The following BRINP3 variants were observed in gnomAD, a reference collection of about 807,000 sequenced individuals.
The protein encoded by BRINP3 is BMP/retinoic acid inducible neural specific 3, also known as BMP/retinoic acid-inducible neural-specific protein 3.
Under a neutral mutation model 71.0 loss-of-function variants are expected in BRINP3, and 19 were observed. That is an observed-to-expected ratio of 0.27 (90% CI 0.19 to 0.39). The LOEUF (loss-of-function observed/expected upper bound fraction) is 0.39. BRINP3 is among the 10% of genes least tolerant of loss of function. The probability of loss-of-function intolerance (pLI) is 1.00; values close to 1 mark genes in which losing one functional copy is unlikely to be tolerated. For synonymous variants in BRINP3, 380 were observed against 337.7 expected, an observed-to-expected ratio of 1.13 and a Z score of -1.37; for missense variants, 959 against 940.8, an observed-to-expected ratio of 1.02 and a Z score of -0.25.
intron 2 of BRINP3, among the ~76,000 whole-genome samples, chr1:190,399,516 G>C (rs941815888): frequency 6.6e-6 from 1 of 151,798 alleles, no homozygotes; most frequent in Non-Finnish European, 1.5e-5. Context: ...AATTTCTCAG[G>C]GGTTTTTAAT....
chr1:190,119,159 A>G (rs1017801537), intron 7 of BRINP3, among the ~76,000 whole-genome samples: 1 of 152,160 alleles, frequency 6.6e-6, no homozygotes. Context: ...GAATTAATAT[A>G]AAAACATCCA....
chr1:190,197,689 G>A (rs2102598267), intron 6 of BRINP3, among the ~76,000 whole-genome samples: 1 of 152,290 alleles, frequency 6.6e-6, no homozygotes, highest in South Asian at 2.1e-4. Flanking sequence ...ATAGCCTTGG[G>A]CAGCTCCACC....
chr1:190,373,507 C>T (rs1030143203), intron 2 of BRINP3, among the ~76,000 whole-genome samples: 2 of 151,148 alleles, frequency 1.3e-5, no homozygotes, highest in Admixed American at 1.3e-4. Context: ...TATATATACA[C>T]ACACACATAT....
At chr1:190,360,399 T>G (rs1255785307) in intron 2 of BRINP3, among the ~76,000 whole-genome samples, 2 of 152,174 alleles carry the variant, frequency 1.3e-5, no homozygotes, top group East Asian at 3.9e-4. Context: ...TAGCTTGCTG[T>G]GGAGGCAGAT....
At chr1:190,168,384 G>A (rs1346590427) in intron 6 of BRINP3, among the ~76,000 whole-genome samples, 3 of 152,152 alleles carry the variant, frequency 2.0e-5, no homozygotes, top group Non-Finnish European at 2.9e-5. Context: ...TATTCAACTC[G>A]AATGGTGAGT....
At chr1:190,151,855 A>G (rs1466303094) in intron 7 of BRINP3, among the ~76,000 whole-genome samples, 2 of 152,198 alleles carry the variant, frequency 1.3e-5, no homozygotes, top group Non-Finnish European at 2.9e-5. Context: ...TTACTACATT[A>G]CAACAAAAGA....
intron 2 of BRINP3, among the ~76,000 whole-genome samples, chr1:190,338,394 C>G (rs1388500143): frequency 6.6e-6 from 1 of 151,946 alleles, no homozygotes; most frequent in Non-Finnish European, 1.5e-5. Flanking sequence ...TCTAAGTTGA[C>G]TCTATTGTTG....
At chr1:190,469,533 T>A (rs1397017087) in intron 1 of BRINP3, among the ~76,000 whole-genome samples, 2 of 150,968 alleles carry the variant, frequency 1.3e-5, no homozygotes, top group African/African-American at 4.8e-5. Flanking sequence ...TTCTACCAAT[T>A]TAGAGTGTAT....
intron 2 of BRINP3, among the ~76,000 whole-genome samples, chr1:190,420,432 T>G (rs1311497453): frequency 6.6e-6 from 1 of 151,978 alleles, no homozygotes; most frequent in Non-Finnish European, 1.5e-5. Context: ...TCCACCATCA[T>G]CAGAGTAGGC....
chr1:190,257,608 C>T (rs1423414631), intron 4 of BRINP3, among the ~76,000 whole-genome samples: 3 of 152,150 alleles, frequency 2.0e-5, no homozygotes, highest in African/African-American at 7.2e-5. Context: ...CCCCATCTTT[C>T]TAGTTTTATC....
chr1:190,272,693 G>C (rs1163496610), intron 3 of BRINP3, among the ~76,000 whole-genome samples: 2 of 151,236 alleles, frequency 1.3e-5, no homozygotes, highest in Non-Finnish European at 3.0e-5. Flanking sequence ...AAATATATAG[G>C]ATTACTAATA....
At chr1:190,183,454 A>G (rs1441092163) in intron 6 of BRINP3, among the ~76,000 whole-genome samples, 2 of 152,092 alleles carry the variant, frequency 1.3e-5, no homozygotes, top group African/African-American at 4.8e-5. Flanking sequence ...AAAGATAATG[A>G]CAGATTAAAG....
chr1:190,453,354 G>T (rs2102622976), intron 2 of BRINP3, among the ~76,000 whole-genome samples: 1 of 151,198 alleles, frequency 6.6e-6, no homozygotes, highest in Non-Finnish European at 1.5e-5. Context: ...CCCAGTAGCT[G>T]GGACTACAGG....
intron 2 of BRINP3, among the ~76,000 whole-genome samples, chr1:190,396,308 G>T (rs1221100039): frequency 1.3e-5 from 2 of 151,822 alleles, no homozygotes; most frequent in Non-Finnish European, 2.9e-5. Flanking sequence ...CTCTAATGTT[G>T]TAATAAGAAA....
At position 190,217,440 on chromosome 1, in the gene BRINP3, T is replaced by C. The variant is rs543933922; in HGVS notation, c.961+8642A>G. Among the ~76,000 whole-genome samples, 114 of 152,118 alleles carry C rather than the reference T, an allele frequency of 7.5e-4. 2 individuals carry two copies. Among genetic ancestry groups the C allele is most frequent in the Admixed American group, 1.6e-3 (25 of 15,242 alleles). On this transcript the variant is annotated intron_variant, in intron 6 of 7. Coordinates refer to ENST00000367462, the MANE Select transcript of BRINP3 (RefSeq NM_199051.3). ...CTTACTAGTTTTAAAAAGAGTCCAATATAAATACAGTATTTTACCAATTGT... is the reference window on the plus strand; with the variant it reads ...CTTACTAGTTTTAAAAAGAGTCCAACATAAATACAGTATTTTACCAATTGT...
Position 190,463,928 on chromosome 1 carries a change from G to A in BRINP3, c.-50-8988C>T, listed in dbSNP as rs529387955. ...ATGAAATCTTGTTTTGCACAATGTAGGCCATTCGTCCTATAAATAGGTAGG... is the reference window on the plus strand; with the variant it reads ...ATGAAATCTTGTTTTGCACAATGTAAGCCATTCGTCCTATAAATAGGTAGG... On this transcript the variant is annotated intron_variant, in intron 1 of 7. Transcript: ENST00000367462. Among the ~76,000 whole-genome samples, 11 of 151,796 alleles carry A rather than the reference G, an allele frequency of 7.2e-5. No individual in the cohort carries two copies. The South Asian group carries it at 1.7e-3, about 23-fold the overall frequency.
chr1:190,199,718 T>C (rs769354250), intron 6 of BRINP3, among the ~76,000 whole-genome samples: 2 of 147,756 alleles, frequency 1.4e-5, no homozygotes, highest in Non-Finnish European at 3.0e-5. Flanking sequence ...GTTACAATAA[T>C]TAAAGTGACA....
chr1:190,341,656 A>C (rs1667663728), intron 2 of BRINP3, among the ~76,000 whole-genome samples: 1 of 151,830 alleles, frequency 6.6e-6, no homozygotes, highest in African/African-American at 2.4e-5. Context: ...TTACAAGATG[A>C]CATTATTTGG....
At chr1:190,373,658 C>T (rs1670009311) in intron 2 of BRINP3, among the ~76,000 whole-genome samples, 1 of 151,576 alleles carries the variant, frequency 6.6e-6, no homozygotes, top group African/African-American at 2.4e-5. Context: ...CACAGCAGAG[C>T]AAAAACACTT....
Sources: gnomAD v4.1 joint callset for allele counts (sites outside exome capture counted in the v4.1 genomes callset) on GRCh38, gnomAD v4.1.1 for gene constraint, MANE v1.5 for transcripts, NCBI Gene and HGNC (gene_info 2026-07-23, HGNC 2026-07-21) for gene names.